Variants in RTCA observed in about 807,000 individuals in gnomAD.
RTCA encodes RNA 3'-terminal phosphate cyclase.
In RTCA, 37 loss-of-function variants were observed where a neutral mutation model predicts 46.1. That is an observed-to-expected ratio of 0.80 (90% confidence interval 0.62 to 1.06). The LOEUF is 1.06. RTCA is among the 50% of genes least tolerant of loss of function. RTCA has a pLI of 0.00. For synonymous variants in RTCA, 164 were observed against 158.3 expected (o/e 1.04, Z -0.27); for missense variants, 435 against 455.5 (o/e 0.95, Z 0.41).
At chr1:100,281,465 C>G (rs1666702773) in intron 8 of RTCA, among the ~76,000 whole-genome samples, 1 of 152,204 alleles carries the variant, frequency 6.6e-6, no homozygotes, top group Admixed American at 6.5e-5. Flanking sequence ...TCCCTTCCAA[C>G]TTTAAGTGAT....
chr1:100,286,948 A>G, intron 9 of RTCA, 151 bp from the exon 10 acceptor site: 1 of 538,902 alleles, frequency 1.9e-6, no homozygotes, highest in East Asian at 3.4e-5. Flanking sequence ...GTTTTCTGTC[A>G]TCTTCTGAGT....
intron 8 of RTCA, among the ~76,000 whole-genome samples, chr1:100,277,749 C>T (rs998079344): frequency 6.6e-6 from 1 of 151,632 alleles, no homozygotes; most frequent in Non-Finnish European, 1.5e-5. Flanking sequence ...TAGCTTCATA[C>T]ATAATGAATT....
At chr1:100,267,995 AT>A in intron 2 of RTCA, 156 bp from the exon 3 acceptor site, 4 of 1,011,044 alleles carry the variant, frequency 4.0e-6, no homozygotes, top group South Asian at 1.7e-5. Context: ...GTCTAGGTGC[AT>A]AAAAACCCAA....
intron 3 of RTCA, among the ~76,000 whole-genome samples, chr1:100,269,410 G>A (rs1665959378): frequency 7.0e-6 from 1 of 142,360 alleles, no homozygotes; most frequent in Non-Finnish European, 1.5e-5. Context: ...GCAGTGGCAT[G>A]ATCATGGCTC....
rs1319354551 is a variant in RTCA at position 100,285,466 on chromosome 1, A to G, written c.894+144A>G. ...TTTAAAAAAATATTCTGGGATTTGC[A>G]TTCCTCAAATTTCAGCCCTCATTTT... On this transcript the variant is annotated intron_variant, in intron 9 of 10. Coordinates refer to ENST00000370128, the MANE Select transcript of RTCA (RefSeq NM_003729.4). 12 of 602,138 alleles carry G rather than the reference A, an allele frequency of 2.0e-5. No individual in the cohort carries two copies. In the East Asian group the frequency reaches 3.6e-4, roughly 18 times the overall value. The allele number at this position is 602,138 out of a possible 1,614,324, so 37.3% of individuals were successfully genotyped here. A position where few individuals can be genotyped will look rare whatever the true frequency, so the allele number is the denominator to read the frequency against.
At chr1:100,288,970 G>C (rs1288380965) in intron 10 of RTCA, among the ~76,000 whole-genome samples, 1 of 152,066 alleles carries the variant, frequency 6.6e-6, no homozygotes, top group Non-Finnish European at 1.5e-5. Flanking sequence ...TTACAGGCGT[G>C]TGCCACCATG....
intron 3 of RTCA, among the ~76,000 whole-genome samples, chr1:100,269,076 G>T (rs914021798): frequency 1.3e-5 from 2 of 150,934 alleles, no homozygotes; most frequent in Non-Finnish European, 3.0e-5. Context: ...GGGCATGGTG[G>T]TACATGCCGG....
intron 8 of RTCA, among the ~76,000 whole-genome samples, chr1:100,283,935 G>GAAAAAAAAAAAAAAAAAAAA (rs763030720): frequency 7.3e-5 from 4 of 55,080 alleles, no homozygotes; most frequent in African/African-American, 1.2e-4. Context: ...AAAAAAAAAA[G>GAAAAAAAAAAAAAAAAAAAA]AAAAAAAAAA....
rs1221893432 is a variant in RTCA, at chr1:100,273,098, G to A, written c.415-296G>A. 4.6e-5 allele frequency among the ~76,000 whole-genome samples: 7 copies of A among 152,290 alleles called. No homozygotes were observed. The East Asian group carries it at 1.2e-3, about 25-fold the overall frequency. ...TCTTAAATGTACTATATTGAGATGC[G>A]TGAGGAAGTATTGGCCTTCGGAGTA... On this transcript the variant is annotated intron_variant, in intron 4 of 10. Coordinates refer to ENST00000370128, the MANE Select transcript of RTCA (RefSeq NM_003729.4).
intron 10 of RTCA, among the ~76,000 whole-genome samples, chr1:100,289,032 T>C (rs1456318116): frequency 2.0e-5 from 3 of 152,026 alleles, no homozygotes; most frequent in Non-Finnish European, 2.9e-5. Context: ...CTGTGTTAGC[T>C]AGGCTGGTCT....
chr1:100,268,314 T>A lies in RTCA; in HGVS notation c.290+19T>A. On this transcript the variant is annotated intron_variant, in intron 3 of 10. Coordinates refer to ENST00000370128, the MANE Select transcript of RTCA (RefSeq NM_003729.4). ...CAGCAGGGTATGTATCACTTAACAT[T>A]CCATTTAAGTAACCTGGGTTTAAGT... The A allele has an allele frequency of 6.4e-7, 1 of 1,567,266 alleles. No individual in the cohort carries two copies.
At chr1:100,290,741 G>C (rs1038542301) in intron 10 of RTCA, among the ~76,000 whole-genome samples, 1 of 152,168 alleles carries the variant, frequency 6.6e-6, no homozygotes, top group Non-Finnish European at 1.5e-5. Flanking sequence ...ACTGCAGCCT[G>C]GGTGACAGAG....
Position 100,291,535 on chromosome 1 carries a change from A to T in RTCA, c.*31A>T, listed in dbSNP as rs762664833. On this transcript the variant is annotated 3_prime_UTR_variant, in exon 11 of 11. Transcript: ENST00000370128. ...TTGCCTCTTAAATGATACCTCATTG[A>T]TATATTGCACTATTTCATAAATACT... 8.1e-7 allele frequency: 1 copy of T among 1,236,388 alleles called. No homozygotes were observed. The highest frequency in any genetic ancestry group is 1.9e-5 in the Admixed American group (1 of 53,132). The allele number at this position is 1,236,388 out of a possible 1,614,324, so 76.6% of individuals were successfully genotyped here.
intron 4 of RTCA, among the ~76,000 whole-genome samples, chr1:100,271,725 T>C (rs1429994621): frequency 6.6e-6 from 1 of 152,208 alleles, no homozygotes; most frequent in Non-Finnish European, 1.5e-5. Context: ...ATCCACCCTT[T>C]TTAACATGCA....
chr1:100,270,469 T>C, intron 3 of RTCA, 88 bp from the exon 4 acceptor site: 7 of 1,510,598 alleles, frequency 4.6e-6, no homozygotes, highest in South Asian at 1.3e-5. Flanking sequence ...TAGTTGGTAG[T>C]GATGAACAAG....
intron 8 of RTCA, among the ~76,000 whole-genome samples, chr1:100,278,314 G>T (rs1045151743): frequency 2.0e-5 from 3 of 152,172 alleles, no homozygotes; most frequent in Non-Finnish European, 4.4e-5. Context: ...TTTGTGAAAG[G>T]GAAATTTGTT....
At chr1:100,280,259 A>G (rs934508452) in intron 8 of RTCA, among the ~76,000 whole-genome samples, 1 of 152,170 alleles carries the variant, frequency 6.6e-6, no homozygotes, top group Non-Finnish European at 1.5e-5. Flanking sequence ...GCCAGGGTAG[A>G]TGATAATTTT....
At chr1:100,267,326 A>C (rs1665838875) in intron 2 of RTCA, 9 of 575,478 alleles carry the variant, frequency 1.6e-5, no homozygotes, top group Non-Finnish European at 2.2e-5. Context: ...ACCAAAAGGC[A>C]ATTACTGATA....
At chr1:100,267,338 G>A (rs763477682) in intron 2 of RTCA, 1 of 660,820 alleles carries the variant, frequency 1.5e-6, no homozygotes, top group Non-Finnish European at 2.3e-6. Context: ...TTACTGATAT[G>A]TTAATGTTAA....
Sources: allele counts gnomAD v4.1 joint callset (sites outside exome capture counted in the v4.1 genomes callset), GRCh38; gene constraint gnomAD v4.1.1; transcripts MANE v1.5; gene names NCBI Gene and HGNC (gene_info 2026-07-23, HGNC 2026-07-21).